ALDH3B2: variants seen among roughly 807,000 people sequenced by gnomAD.
ALDH3B2 encodes aldehyde dehydrogenase family 3 member B2.
In ALDH3B2, 45 loss-of-function variants were observed where a neutral mutation model predicts 36.7. That is an observed-to-expected ratio of 1.23 (90% CI 0.97 to 1.57). ALDH3B2 has a LOEUF of 1.57. Among genes scored for constraint, ALDH3B2 ranks in the 40% most tolerant of loss-of-function variants. The probability of loss-of-function intolerance (pLI) is 0.00; values close to 1 mark genes in which losing one functional copy is unlikely to be tolerated. For synonymous variants in ALDH3B2, 217 were observed against 226.5 expected (o/e 0.96, Z 0.38); for missense variants, 464 against 513.3 (o/e 0.90, Z 0.93).
chr11:67,674,816 G>A (rs555688574), upstream of ALDH3B2: 34 of 152,430 alleles, frequency 2.2e-4, no homozygotes, highest in African/African-American at 7.7e-4. Context: ...GGCTGTCTGA[G>A]GCTTTGCTCT....
chr11:67,678,867 C>CA (rs1379001560), upstream of ALDH3B2, among the ~76,000 whole-genome samples: 1 of 151,734 alleles, frequency 6.6e-6, no homozygotes, highest in East Asian at 1.9e-4. Context: ...GAATTAACAG[C>CA]ATTTGCAATG....
upstream of ALDH3B2, among the ~76,000 whole-genome samples, chr11:67,678,707 C>CTA (rs36154763): frequency 0.79 from 114,520 of 145,388 alleles, 45,836 homozygotes; most frequent in South Asian, 0.91. Flanking sequence ...ACTATGGTGT[C>CTA]TATATATATA....
upstream of ALDH3B2, among the ~76,000 whole-genome samples, chr11:67,679,736 GA>G (rs1412341229): frequency 4.0e-5 from 6 of 151,452 alleles, no homozygotes; most frequent in Admixed American, 3.9e-4. Flanking sequence ...TTACATTTCA[GA>G]AGGCACACCA....
upstream of ALDH3B2, among the ~76,000 whole-genome samples, chr11:67,678,505 A>C (rs1017185614): frequency 6.6e-6 from 1 of 152,174 alleles, no homozygotes; most frequent in Non-Finnish European, 1.5e-5. Context: ...AAGAGCTGAA[A>C]CTATACAAAT....
At chr11:67,670,154 G>T (rs1311355617) in intron 1 of ALDH3B2, among the ~76,000 whole-genome samples, 1 of 89,896 alleles carries the variant, frequency 1.1e-5, no homozygotes, top group African/African-American at 3.8e-5. Context: ...GTGTGTATGG[G>T]TGTCTGTGTC....
At chr11:67,664,157 A>G in intron 8 of ALDH3B2, 1 of 633,138 alleles carries the variant, frequency 1.6e-6, no homozygotes, top group Non-Finnish European at 2.7e-6. Flanking sequence ...GCACAGTCCA[A>G]GTGCAGGCTG....
At chr11:67,669,508 G>A (rs567860805) in intron 1 of ALDH3B2, among the ~76,000 whole-genome samples, 3 of 149,628 alleles carry the variant, frequency 2.0e-5, no homozygotes, top group South Asian at 2.1e-4. Flanking sequence ...GTGTGTCTGC[G>A]TGTGTATGGG....
chr11:67,662,297 C>G (rs1855766059), exon 10 of ALDH3B2: 1 of 152,218 alleles, frequency 6.6e-6, no homozygotes, highest in Non-Finnish European at 1.5e-5. Context: ...ATGTAAGCAG[C>G]TTTTAAACAA....
intron 1 of ALDH3B2, among the ~76,000 whole-genome samples, chr11:67,668,388 T>C (rs1465814657): frequency 6.6e-6 from 1 of 151,448 alleles, no homozygotes; most frequent in Non-Finnish European, 1.5e-5. Context: ...CAGTGGGGTC[T>C]GGAGAGGAGG....
At position 67,663,798 on chromosome 11, in the gene ALDH3B2, T is replaced by C. The variant is rs201544486; in HGVS notation, c.874-37A>G. On this transcript the variant is annotated intron_variant, in intron 8 of 9. Coordinates refer to ENST00000349015, the Ensembl canonical transcript of ALDH3B2. ...TGAGAAGGTGGGTGTTGGGCTCTAG[T>C]CATGAGAAGAGGGCTTGAGCCCCGC... 3.1e-5 allele frequency: 48 copies of C among 1,567,886 alleles called. 1 individual carries two copies. In the African/African-American group the frequency reaches 5.7e-4, roughly 19 times the overall value.
exon 8 of ALDH3B2, chr11:67,664,456 G>T (rs747497519): frequency 6.2e-7 from 1 of 1,614,150 alleles, no homozygotes; most frequent in Non-Finnish European, 8.5e-7. Context: ...TGATGAACTT[G>T]ATGGCCTCGT....
chr11:67,667,399 G>A (rs1257992741), intron 2 of ALDH3B2, 74 bp downstream of exon 2: 3 of 347,700 alleles, frequency 8.6e-6, no homozygotes, highest in Non-Finnish European at 1.6e-5. Context: ...CAGTCACTAG[G>A]GGGCACGGGC....
chr11:67,669,821 T>TCCAC (rs1277044084), intron 1 of ALDH3B2, among the ~76,000 whole-genome samples: 21 of 137,572 alleles, frequency 1.5e-4, no homozygotes, highest in African/African-American at 5.3e-4. Context: ...TGTCTGTGTG[T>TCCAC]GTATGGGTGT....
At chr11:67,680,191 G>A (rs958316529) in intron 1 of ALDH3B2, among the ~76,000 whole-genome samples, 5 of 152,132 alleles carry the variant, frequency 3.3e-5, no homozygotes, top group African/African-American at 9.7e-5. Flanking sequence ...ATGCGCACCT[G>A]TAATCCCAGC....
chr11:67,666,349 G>T (rs774757395), exon 5 of ALDH3B2: 1 of 1,606,242 alleles, frequency 6.2e-7, no homozygotes, highest in South Asian at 1.1e-5. Context: ...CCTCAGCCAG[G>T]ACCTTCTCTG....
chr11:67,664,219 C>A (rs765908777), intron 8 of ALDH3B2, 177 bp downstream of exon 8: 3 of 1,028,136 alleles, frequency 2.9e-6, no homozygotes, highest in Non-Finnish European at 4.3e-6. Context: ...GGTTTGGACC[C>A]TGTCCTCTCT....
chr11:67,676,883 C>A (rs764413351), upstream of ALDH3B2, among the ~76,000 whole-genome samples: 11 of 152,054 alleles, frequency 7.2e-5, no homozygotes, highest in African/African-American at 1.7e-4. Context: ...AAAAATACAA[C>A]CCCCCTAGTT....
chr11:67,670,317 T>G (rs938153889), intron 1 of ALDH3B2, among the ~76,000 whole-genome samples: 11 of 151,734 alleles, frequency 7.2e-5, no homozygotes, highest in Admixed American at 1.3e-4. Flanking sequence ...TGGGTGTGTG[T>G]GTCCATGTGT....
At chr11:67,664,669 C>T in intron 7 of ALDH3B2, 107 bp from the exon 8 acceptor site, 1 of 1,466,772 alleles carries the variant, frequency 6.8e-7, no homozygotes, top group South Asian at 1.3e-5. Flanking sequence ...AGGCCAGGAT[C>T]CCAAGGTCTG....
Sources: allele counts gnomAD v4.1 joint callset (sites outside exome capture counted in the v4.1 genomes callset), GRCh38; gene constraint gnomAD v4.1.1; transcripts MANE v1.5; gene names NCBI Gene and HGNC (gene_info 2026-07-23, HGNC 2026-07-21).